Variants in TRIM69 observed in about 807,000 individuals in gnomAD.
TRIM69 encodes the protein E3 ubiquitin-protein ligase TRIM69.
In TRIM69, 29 loss-of-function variants were observed where a neutral mutation model predicts 37.7. The observed-to-expected ratio is 0.77, with a 90% CI of 0.57 to 1.05. The LOEUF is 1.05. TRIM69 is among the 50% of genes least tolerant of loss of function. TRIM69 has a pLI of 0.00. For synonymous variants in TRIM69, 209 were observed against 212.4 expected (o/e 0.98, Z 0.14); for missense variants, 596 against 579.9 (o/e 1.03, Z -0.28).
Position 44,743,065 on chromosome 15 carries a change from T to C in TRIM69, c.6+6355T>C, listed in dbSNP as rs970984778. 4.9e-4 allele frequency among the ~76,000 whole-genome samples: 75 copies of C among 152,150 alleles called. 1 individual carries two copies. The highest frequency in any genetic ancestry group is 1.7e-3 in the African/African-American group (70 of 41,518). ...CATCATGCTACCTGACTTCAAACTA[T>C]ACTACAAGGCTACAGTAACCAAAAC... is the stretch of plus-strand genomic sequence containing the variant. On this transcript the variant is annotated intron_variant, in intron 1 of 6. Transcript: ENST00000329464.
At position 44,754,892 on chromosome 15, in the gene TRIM69, T is replaced by A; in HGVS notation, c.7-8T>A. The A allele has an allele frequency of 6.3e-7, 1 of 1,592,774 alleles. No homozygotes were observed. The highest frequency in any genetic ancestry group is 1.1e-5 in the South Asian group (1 of 89,730). ...AGATAAACTCATTTTAGCTGTTCTT[T>A]TCTAAAGGTATCCACCAACCCCTCC... is the stretch of plus-strand genomic sequence containing the variant. On this transcript the variant is annotated splice_region_variant and splice_polypyrimidine_tract_variant and intron_variant, in intron 1 of 6. Transcript: ENST00000329464.
chr15:44,755,458 C>A (rs1051917244), intron 2 of TRIM69, 82 bp downstream of exon 2: 35 of 1,009,884 alleles, frequency 3.5e-5, no homozygotes, highest in Non-Finnish European at 5.0e-5. Flanking sequence ...CTTCCAACCC[C>A]ATCCCTTTAT....
chr15:44,746,340 A>C (rs181669803), intron 1 of TRIM69, among the ~76,000 whole-genome samples: 2 of 152,328 alleles, frequency 1.3e-5, no homozygotes, highest in African/African-American at 4.8e-5. Flanking sequence ...TCTTACCTAC[A>C]AAAAATGACA....
At chr15:44,753,917 T>C (rs2087587420) in intron 1 of TRIM69, 1 of 152,178 alleles carries the variant, frequency 6.6e-6, no homozygotes, top group South Asian at 2.1e-4. Context: ...GGTTTCACCA[T>C]GTTGGCCAGG....
chr15:44,736,613 A>G lies in TRIM69; in HGVS notation c.-92A>G, dbSNP rs2087165532. Reference sequence around the variant, plus strand: ...GCTCTGAGCCCATTCCTTGAAAACTAAAAGGTCCCTGACTCCCAGTCTGCA... The same window carrying G: ...GCTCTGAGCCCATTCCTTGAAAACTGAAAGGTCCCTGACTCCCAGTCTGCA... On this transcript the variant is annotated 5_prime_UTR_variant, in exon 1 of 7. Coordinates refer to ENST00000329464, the MANE Select transcript of TRIM69 (RefSeq NM_182985.5). The G allele has an allele frequency of 6.6e-7, 1 of 1,510,196 alleles. No individual in the cohort carries two copies. Among genetic ancestry groups the G allele is most frequent in the East Asian group, 2.3e-5 (1 of 43,052 alleles). The allele number at this position is 1,510,196 out of a possible 1,614,324, so 93.5% of individuals were successfully genotyped here. A position where few individuals can be genotyped will look rare whatever the true frequency, so the allele number is the denominator to read the frequency against.
intron 3 of TRIM69, 47 bp from the exon 4 acceptor site, chr15:44,758,574 G>A (rs747661066): frequency 6.0e-5 from 97 of 1,606,796 alleles, no homozygotes; most frequent in Non-Finnish European, 7.8e-5. Context: ...CCATCCCCAA[G>A]CACTAGTCTC....
intron 1 of TRIM69, among the ~76,000 whole-genome samples, chr15:44,741,905 C>A (rs936795523): frequency 2.6e-5 from 4 of 152,206 alleles, no homozygotes; most frequent in African/African-American, 9.7e-5. Context: ...GGAACTGGTA[C>A]CATTCCTTCT....
chr15:44,767,707 T>C lies in TRIM69; in HGVS notation c.1438T>C (p.Phe480Leu), dbSNP rs1315792152. The C allele has an allele frequency of 3.1e-6, 5 of 1,614,114 alleles. No homozygotes were observed. In the South Asian group the frequency reaches 3.3e-5, roughly 11 times the overall value. The part of the protein sequence containing the change: ...NTFMEKLYPY[F>L]CPCLNDGGEN... Reference sequence around the variant, plus strand: ...TTTCATGGAGAAACTTTATCCCTACTTCTGCCCCTGCCTTAATGATGGTGG... The same window carrying C: ...TTTCATGGAGAAACTTTATCCCTACCTCTGCCCCTGCCTTAATGATGGTGG... Residue 480 changes from phenylalanine (F) to leucine (L), a missense_variant, in exon 7 of 7, where the codon TTC becomes CTC. Transcript: ENST00000329464.
rs773895517 is a variant in TRIM69, at chr15:44,759,873, G to A, written c.961+1G>A. On this transcript the variant is annotated splice_donor_variant, in intron 6 of 6. Coordinates refer to ENST00000329464, the MANE Select transcript of TRIM69 (RefSeq NM_182985.5). LOFTEE classifies it high-confidence loss of function. ...GAAATGCAGGACACTCTCTGCCCAG[G>A]TATCAGTGGGTAGTAACTATTGGTT... is the stretch of plus-strand genomic sequence containing the variant. 1.1e-5 allele frequency: 17 copies of A among 1,609,204 alleles called. No individual in the cohort carries two copies. Among genetic ancestry groups the A allele is most frequent in the Non-Finnish European group, 9.4e-6 (11 of 1,176,232 alleles).
chr15:44,763,622 C>T (rs2087825572), intron 6 of TRIM69, among the ~76,000 whole-genome samples: 1 of 152,118 alleles, frequency 6.6e-6, no homozygotes, highest in Admixed American at 6.5e-5. Context: ...TTTGTCTCTT[C>T]TGGTTGGTAA....
intron 6 of TRIM69, among the ~76,000 whole-genome samples, chr15:44,765,768 A>AAAAC (rs201384985): frequency 6.9e-6 from 1 of 145,866 alleles, no homozygotes; most frequent in African/African-American, 2.5e-5. Context: ...AAAACAAAAC[A>AAAAC]AAACAAACAA....
intron 1 of TRIM69, among the ~76,000 whole-genome samples, chr15:44,745,988 CTT>C (rs1043202719): frequency 2.0e-5 from 3 of 152,024 alleles, no homozygotes; most frequent in Non-Finnish European, 2.9e-5. Flanking sequence ...TGGTTTAAAA[CTT>C]TTGAAATTTG....
rs1800152726 is a variant in TRIM69 at position 44,758,632 on chromosome 15, A to G, written c.591A>G (p.Leu197=). The change falls in exon 4 of 7, where the codon CTA becomes CTG. Residue 197 remains leucine (L), a synonymous_variant. Transcript: ENST00000329464. Reference sequence around the variant, plus strand: ...ATGGAGGTTTCCAGGAAAACAAGCTACATCTGCAGCAACATGTGTCCATGG... The same window carrying G: ...ATGGAGGTTTCCAGGAAAACAAGCTGCATCTGCAGCAACATGTGTCCATGG... ...EAIAAHKENK[L]HLQQHVSMEF... 1 of 1,613,990 alleles carries G rather than the reference A, an allele frequency of 6.2e-7. No individual in the cohort carries two copies. Among genetic ancestry groups the G allele is most frequent in the Admixed American group, 1.7e-5 (1 of 59,988 alleles).
intron 1 of TRIM69, chr15:44,753,272 G>T: frequency 6.6e-6 from 1 of 151,806 alleles, no homozygotes. Flanking sequence ...CTCTTTTCAT[G>T]AATATATAAT....
intron 6 of TRIM69, 145 bp from the exon 7 acceptor site, chr15:44,767,086 C>G (rs1316851359): frequency 1.4e-5 from 1 of 72,260 alleles, no homozygotes; most frequent in African/African-American, 7.2e-5. Flanking sequence ...AAAAAAAAAG[C>G]ATATAAGTAA....
At chr15:44,741,773 G>A (rs1435936201) in intron 1 of TRIM69, among the ~76,000 whole-genome samples, 1 of 152,208 alleles carries the variant, frequency 6.6e-6, no homozygotes, top group East Asian at 1.9e-4. Context: ...CCAGGAAGAA[G>A]TTGAATCTCT....
At chr15:44,740,431 C>G (rs62025033) in intron 1 of TRIM69, among the ~76,000 whole-genome samples, 3,028 of 152,238 alleles carry the variant, frequency 0.02, 45 homozygotes, top group Middle Eastern at 0.034. Context: ...TCCAACTACT[C>G]CGAGCTACAG....
chr15:44,754,783 T>C lies in TRIM69; in HGVS notation c.7-117T>C, dbSNP rs1449329027. ...TGGTTCACTTTCAAAGGAGAGATTA[T>C]GTGCTTTTACTTTAGTTGTACCAAT... On this transcript the variant is annotated intron_variant, in intron 1 of 6. Transcript: ENST00000329464. 9.5e-6 allele frequency: 7 copies of C among 740,020 alleles called. No homozygotes were observed. The East Asian group carries it at 1.5e-4, about 16-fold the overall frequency. 45.8% of individuals were successfully genotyped at this position (740,020 alleles called of 1,614,324 possible).
intron 1 of TRIM69, among the ~76,000 whole-genome samples, chr15:44,741,359 A>C (rs1213881454): frequency 1.3e-5 from 2 of 152,076 alleles, no homozygotes; most frequent in Non-Finnish European, 2.9e-5. Context: ...CCACAAGAGA[A>C]AGCAGGAAAG....
Sources: gnomAD v4.1 joint callset for allele counts (sites outside exome capture counted in the v4.1 genomes callset) on GRCh38, gnomAD v4.1.1 for gene constraint, MANE v1.5 for transcripts, NCBI Gene and HGNC (gene_info 2026-07-23, HGNC 2026-07-21) for gene names.